The following EGFLAM variants were observed in gnomAD, a reference collection of about 807,000 sequenced individuals.
The protein encoded by EGFLAM is EGF like, fibronectin type III and laminin G domains, also known as pikachurin.
A neutral mutation model predicts 113.1 loss-of-function variants in EGFLAM; 79 were observed. The observed-to-expected ratio is 0.70, with a 90% confidence interval of 0.58 to 0.84. The LOEUF is 0.84. Among genes scored for constraint, EGFLAM ranks in the 40% least tolerant of loss-of-function variants. EGFLAM has a pLI of 0.00. For synonymous variants in EGFLAM, 504 were observed against 487.6 expected (o/e 1.03, Z -0.44); for missense variants, 1,265 against 1,291.6 (o/e 0.98, Z 0.32).
chr5:38,381,955 C>A (rs1019129864), intron 6 of EGFLAM, among the ~76,000 whole-genome samples: 1 of 152,106 alleles, frequency 6.6e-6, no homozygotes, highest in Non-Finnish European at 1.5e-5. Context: ...CAGAGAAGAA[C>A]AAGAAGGTCA....
chr5:38,273,767 G>A (rs1169140330), intron 1 of EGFLAM, among the ~76,000 whole-genome samples: 4 of 152,210 alleles, frequency 2.6e-5, no homozygotes, highest in Non-Finnish European at 5.9e-5. Flanking sequence ...ACTGGAATAA[G>A]TATCTGCTTC....
At chr5:38,382,225 AT>A (rs376501268) in intron 6 of EGFLAM, among the ~76,000 whole-genome samples, 2,658 of 152,268 alleles carry the variant, frequency 0.017, 77 homozygotes, top group African/African-American at 0.059. Flanking sequence ...ATCTTCCAGA[AT>A]TTTTTTTAAT....
chr5:38,379,298 C>G (rs1009484807), intron 6 of EGFLAM, among the ~76,000 whole-genome samples: 3 of 152,058 alleles, frequency 2.0e-5, no homozygotes, highest in African/African-American at 7.2e-5. Flanking sequence ...TGTATATGCA[C>G]AGGGGGCATC....
chr5:38,302,709 CAAAAAAAA>C (rs56012054), intron 1 of EGFLAM, among the ~76,000 whole-genome samples: 3 of 115,456 alleles, frequency 2.6e-5, no homozygotes, highest in Non-Finnish European at 5.7e-5. Flanking sequence ...GTCTGAGAAT[CAAAAAAAA>C]AAAAAAAAAA....
intron 1 of EGFLAM, among the ~76,000 whole-genome samples, chr5:38,296,616 G>C (rs371891575): frequency 6.6e-6 from 1 of 152,010 alleles, no homozygotes; most frequent in Non-Finnish European, 1.5e-5. Context: ...GCAAAAGTTT[G>C]AGAGAAATAG....
intron 12 of EGFLAM, 152 bp downstream of exon 12, chr5:38,418,407 G>T: frequency 1.0e-6 from 1 of 965,362 alleles, no homozygotes. Context: ...GTGGGCCTCA[G>T]GGGTGAGGCT....
At chr5:38,336,051 A>G (rs995873351) in intron 1 of EGFLAM, among the ~76,000 whole-genome samples, 1 of 152,236 alleles carries the variant, frequency 6.6e-6, no homozygotes, top group African/African-American at 2.4e-5. Flanking sequence ...AGCATTACTT[A>G]AGATAGCAAA....
In EGFLAM at chr5:38,427,143, G is replaced by A; in HGVS notation, c.1945G>A (p.Val649Ile). Reference sequence around the variant, plus strand: ...ATTTCGGCCAGACTCAGGAGATGGTGTCCTCCTGTACAGCTATGACACAGG... The same window carrying A: ...ATTTCGGCCAGACTCAGGAGATGGTATCCTCCTGTACAGCTATGACACAGG... ...ITFRPDSGDG[V>I]LLYSYDTGSK... The change falls in exon 14 of 22, where the codon GTC (valine) becomes ATC (isoleucine). Residue 649 changes from valine (V) to isoleucine (I), a missense_variant. Transcript: ENST00000322350. 1.9e-6 allele frequency: 3 copies of A among 1,614,104 alleles called. No homozygotes were observed. The highest frequency in any genetic ancestry group is 1.1e-5 in the South Asian group (1 of 91,074).
intron 3 of EGFLAM, among the ~76,000 whole-genome samples, chr5:38,344,488 A>C (rs936590781): frequency 1.3e-5 from 2 of 151,388 alleles, no homozygotes; most frequent in African/African-American, 4.8e-5. Context: ...TGTTTCAAAA[A>C]AAAAAAAAAA....
chr5:38,331,674 T>G (rs1739045954), intron 1 of EGFLAM, among the ~76,000 whole-genome samples: 1 of 152,116 alleles, frequency 6.6e-6, no homozygotes, highest in Admixed American at 6.5e-5. Context: ...CCTTTAAGAC[T>G]ATGTTAGAAT....
chr5:38,416,901 A>G (rs182119777), intron 11 of EGFLAM, among the ~76,000 whole-genome samples: 2 of 152,346 alleles, frequency 1.3e-5, no homozygotes, highest in East Asian at 3.9e-4. Flanking sequence ...TAAAACAATC[A>G]TTAGATTTTC....
intron 10 of EGFLAM, among the ~76,000 whole-genome samples, chr5:38,411,265 TA>T (rs1291347767): frequency 6.6e-6 from 1 of 151,770 alleles, no homozygotes. Context: ...ACGTCTCTAC[TA>T]AAAATACAAA....
intron 18 of EGFLAM, 126 bp downstream of exon 18, chr5:38,448,505 C>A (rs1320479958): frequency 2.1e-6 from 2 of 942,314 alleles, no homozygotes; most frequent in South Asian, 1.5e-5. Flanking sequence ...CAGCCATGGC[C>A]TCAGGGGAAA....
rs1382304648 is a variant in EGFLAM, at chr5:38,352,315, T to G, written c.529T>G (p.Ser177Ala). 7 of 1,613,932 alleles carry G rather than the reference T, an allele frequency of 4.3e-6. No homozygotes were observed. Among genetic ancestry groups the G allele is most frequent in the Non-Finnish European group, 3.4e-6 (4 of 1,179,978 alleles). ...AGGAAGCGCCCCTATTCAGTACTAT[T>G]CTGTGGAATTCATCAGGTAAGTCTG... Reference protein sequence around the residue: ...SEGSAPIQYYSVEFIRPDFDK... With the variant: ...SEGSAPIQYYAVEFIRPDFDK... The change falls in exon 5 of 22, where the codon TCT (serine) becomes GCT (alanine). Residue 177 changes from serine (S) to alanine (A), a missense_variant. Transcript: ENST00000322350.
chr5:38,461,427 T>C (rs1743268133), intron 20 of EGFLAM: 1 of 152,236 alleles, frequency 6.6e-6, no homozygotes. Context: ...ATAAGGTATA[T>C]CTTCATTTTA....
chr5:38,395,179 A>G (rs1228571355), intron 6 of EGFLAM, among the ~76,000 whole-genome samples: 1 of 149,922 alleles, frequency 6.7e-6, no homozygotes, highest in African/African-American at 2.5e-5. Flanking sequence ...ACCTTAGGCA[A>G]TCTGCCCGCC....
chr5:38,337,199 C>T (rs770052700), intron 1 of EGFLAM, among the ~76,000 whole-genome samples: 6 of 152,008 alleles, frequency 3.9e-5, no homozygotes, highest in Non-Finnish European at 8.8e-5. Context: ...ACATTTAAAA[C>T]TTTTAGAGTC....
chr5:38,366,627 G>C (rs1740067447), intron 5 of EGFLAM, among the ~76,000 whole-genome samples: 1 of 152,046 alleles, frequency 6.6e-6, no homozygotes, highest in Admixed American at 6.6e-5. Context: ...AAAACAGAAA[G>C]GTATACCACC....
chr5:38,445,519 C>T (rs151122363), intron 17 of EGFLAM: 14 of 1,544,902 alleles, frequency 9.1e-6, no homozygotes, highest in Non-Finnish European at 1.2e-5. Context: ...CCGCGGGGCT[C>T]ATATTCACAT....
Sources: gnomAD v4.1 joint callset for allele counts (sites outside exome capture counted in the v4.1 genomes callset) on GRCh38, gnomAD v4.1.1 for gene constraint, MANE v1.5 for transcripts, NCBI Gene and HGNC (gene_info 2026-07-23, HGNC 2026-07-21) for gene names.